Variants in CLIC6 observed in about 807,000 individuals in gnomAD.
CLIC6 encodes CLIC family member 6, also known as chloride intracellular channel protein 6.
Under a neutral mutation model 49.2 loss-of-function variants are expected in CLIC6, and 39 were observed. That is an observed-to-expected ratio of 0.79 (90% CI 0.61 to 1.04). The LOEUF is 1.04. Ranked by LOEUF, CLIC6 falls within the 50% of genes least tolerant of loss-of-function variation. The pLI, the probability that CLIC6 is intolerant of heterozygous loss-of-function variation, is 0.00. For synonymous variants in CLIC6, 446 were observed against 433.4 expected (o/e 1.03, Z -0.36); for missense variants, 988 against 993.1 (o/e 0.99, Z 0.07).
Position 34,669,267 on chromosome 21 carries a change from A to T in CLIC6, c.-122A>T, listed in dbSNP as rs114960903. The T allele has an allele frequency of 3.8e-3, 3,115 of 826,842 alleles. 76 individuals are homozygous for T. The African/African-American group carries it at 0.05, about 13-fold the overall frequency. 51.2% of individuals were successfully genotyped at this position (826,842 alleles called of 1,614,324 possible). ...GCCCCGGCTAAACCTTTGCCGCAGG[A>T]TCCCGGAGCCGGCGTCCTTCAAGGA... On this transcript the variant is annotated 5_prime_UTR_variant, in exon 1 of 6. Coordinates refer to ENST00000349499, the MANE Select transcript of CLIC6 (RefSeq NM_053277.3).
rs143782194 is a variant in CLIC6, at chr21:34,708,726, C to T, written c.1637C>T (p.Pro546Leu). The change falls in exon 4 of 6, where the codon CCC (proline) becomes CTC (leucine). Residue 546 changes from proline to leucine, a missense_variant. Transcript: ENST00000349499. ...PRYPKLGTQH[P>L]ESNSAGNDVF... ...TATCCCAAGCTGGGGACCCAACATCCCGAATCTAATTCCGCAGGAAATGAC... is the reference window on the plus strand; with the variant it reads ...TATCCCAAGCTGGGGACCCAACATCTCGAATCTAATTCCGCAGGAAATGAC... 7.4e-4 allele frequency: 1,188 copies of T among 1,614,070 alleles called. 1 individual carries two copies. Among genetic ancestry groups the T allele is most frequent in the Non-Finnish European group, 9.5e-4 (1,118 of 1,179,960 alleles).
intron 2 of CLIC6, 51 bp from the exon 3 acceptor site, chr21:34,707,893 A>T: frequency 1.9e-6 from 3 of 1,605,400 alleles, no homozygotes; most frequent in Non-Finnish European, 2.6e-6. Flanking sequence ...CCTGGAAATG[A>T]GTCCAGATTC....
rs376418947 is a variant in CLIC6 at position 34,704,479 on chromosome 21, A to C, written c.1375-2801A>C. On this transcript the variant is annotated intron_variant, in intron 1 of 5. Coordinates refer to ENST00000349499, the MANE Select transcript of CLIC6 (RefSeq NM_053277.3). Reference sequence around the variant, plus strand: ...TTATTGGCAGTCACTGCTGCTGGCTAATTCTAAATGCCTAACAGCCTTTGG... The same window carrying C: ...TTATTGGCAGTCACTGCTGCTGGCTCATTCTAAATGCCTAACAGCCTTTGG... Among the ~76,000 whole-genome samples, 8 of 152,332 alleles carry C rather than the reference A, an allele frequency of 5.3e-5. No homozygotes were observed. In the East Asian group the frequency reaches 1.2e-3, roughly 22 times the overall value.
Position 34,698,477 on chromosome 21 carries a change from AAGAC to A in CLIC6, c.1375-8799_1375-8796del, listed in dbSNP as rs537654545. 7.9e-5 allele frequency among the ~76,000 whole-genome samples: 12 copies of A among 151,614 alleles called. No individual in the cohort carries two copies. In the South Asian group the frequency reaches 1.3e-3, roughly 16 times the overall value. ...GGATGGAAGGAAGAAAGGAAAGAGA[AAGAC>A]AGAAGGGAGGAAGGAAGGAAAGAGG... On this transcript the variant is annotated intron_variant, in intron 1 of 5. Transcript: ENST00000349499.
chr21:34,692,417 G>A (rs1002976338), intron 1 of CLIC6, among the ~76,000 whole-genome samples: 1 of 152,170 alleles, frequency 6.6e-6, no homozygotes, highest in Non-Finnish European at 1.5e-5. Context: ...TTGTAGATAG[G>A]TGGATTCTCC....
At chr21:34,702,525 G>T (rs1381235677) in intron 1 of CLIC6, among the ~76,000 whole-genome samples, 1 of 152,120 alleles carries the variant, frequency 6.6e-6, no homozygotes. Context: ...CATCAACCCC[G>T]TACGTCAACC....
At chr21:34,701,335 T>A (rs1050464074) in intron 1 of CLIC6, among the ~76,000 whole-genome samples, 112 of 106,172 alleles carry the variant, frequency 1.1e-3, no homozygotes, top group African/African-American at 1.9e-3. Context: ...AAAAAAAAAA[T>A]CAGTGGTTCT....
At chr21:34,673,442 A>C (rs1198607016) in intron 1 of CLIC6, among the ~76,000 whole-genome samples, 4 of 151,766 alleles carry the variant, frequency 2.6e-5, no homozygotes, top group Non-Finnish European at 4.4e-5. Context: ...GGCATGCGCC[A>C]CCACGTCTGG....
In CLIC6 at chr21:34,707,968, G is replaced by A. The variant is rs370864479; in HGVS notation, c.1509G>A (p.Leu503=). The A allele has an allele frequency of 1.2e-6, 2 of 1,613,996 alleles. No homozygotes were observed. The highest frequency in any genetic ancestry group is 2.7e-5 in the African/African-American group (2 of 74,894). The change falls in exon 3 of 6, where the codon CTG becomes CTA. Residue 503 remains leucine (L), a synonymous_variant. Transcript: ENST00000349499. ...LKRKPADLQN[L]APGTNPPFMT... ...GGAAACCCGCAGACCTGCAGAACCTGGCTCCCGGAACAAACCCTCCTTTCA... is the reference window on the plus strand; with the variant it reads ...GGAAACCCGCAGACCTGCAGAACCTAGCTCCCGGAACAAACCCTCCTTTCA...
chr21:34,713,473 T>G (rs933379989), intron 5 of CLIC6, among the ~76,000 whole-genome samples: 2 of 152,186 alleles, frequency 1.3e-5, no homozygotes, highest in African/African-American at 4.8e-5. Flanking sequence ...ATTGCTGAAA[T>G]TGATTTCCTC....
At chr21:34,685,177 T>C (rs1254809906) in intron 1 of CLIC6, among the ~76,000 whole-genome samples, 1 of 152,176 alleles carries the variant, frequency 6.6e-6, no homozygotes, top group Admixed American at 6.5e-5. Flanking sequence ...AAGAAGCTGA[T>C]ATGCACTCCA....
intron 1 of CLIC6, among the ~76,000 whole-genome samples, chr21:34,698,940 C>G (rs752385082): frequency 2.6e-5 from 4 of 152,108 alleles, no homozygotes; most frequent in Non-Finnish European, 4.4e-5. Flanking sequence ...GGGCAAGAGA[C>G]TGATGATCAG....
chr21:34,712,157 G>A (rs998866432), intron 5 of CLIC6, among the ~76,000 whole-genome samples: 2 of 152,200 alleles, frequency 1.3e-5, no homozygotes, highest in South Asian at 4.1e-4. Context: ...AAATCTGCAA[G>A]GCCATTTAGC....
Position 34,708,765 on chromosome 21 carries a change from T to C in CLIC6, c.1676T>C (p.Phe559Ser). Residue 559 changes from phenylalanine (F) to serine (S), a missense_variant, in exon 4 of 6, where the codon TTC becomes TCC. Physicochemically the swap from Phe to Ser is radical, Grantham distance 155 (BLOSUM62 -2). Around this residue, in one of 3 missense-constraint regions of CLIC6, gnomAD observed 647 missense variants for 596.9 expected, o/e 1.08. Transcript: ENST00000349499. ...GCAGGAAATGACGTGTTTGCCAAATTCTCAGCGTTTATAAAAAACACGAAG... is the reference window on the plus strand; with the variant it reads ...GCAGGAAATGACGTGTTTGCCAAATCCTCAGCGTTTATAAAAAACACGAAG... ...NSAGNDVFAK[F>S]SAFIKNTKKD... 2 of 1,614,134 alleles carry C rather than the reference T, an allele frequency of 1.2e-6. No individual in the cohort carries two copies. Among genetic ancestry groups the C allele is most frequent in the Non-Finnish European group, 1.7e-6 (2 of 1,179,990 alleles).
intron 1 of CLIC6, among the ~76,000 whole-genome samples, chr21:34,701,363 T>G (rs944812367): frequency 6.6e-6 from 1 of 150,500 alleles, no homozygotes; most frequent in African/African-American, 2.5e-5. Context: ...CTGCACAATT[T>G]GGCATAAAAA....
intron 5 of CLIC6, 64 bp downstream of exon 5, chr21:34,709,602 T>C: frequency 6.9e-7 from 1 of 1,451,012 alleles, no homozygotes; most frequent in Non-Finnish European, 9.5e-7. Context: ...ATTTTGTTTT[T>C]ACTTGTGTTT....
intron 5 of CLIC6, among the ~76,000 whole-genome samples, chr21:34,710,335 A>T (rs2056048028): frequency 6.6e-6 from 1 of 152,180 alleles, no homozygotes; most frequent in Non-Finnish European, 1.5e-5. Flanking sequence ...GACCCTCAAC[A>T]TCCAGGAAGC....
chr21:34,716,162 TG>T (rs1334685655), intron 5 of CLIC6, among the ~76,000 whole-genome samples, 158 bp from the exon 6 acceptor site: 3 of 152,194 alleles, frequency 2.0e-5, no homozygotes, highest in Admixed American at 6.5e-5. Context: ...GATGGCCCTA[TG>T]CAAGTCAAGA....
intron 1 of CLIC6, among the ~76,000 whole-genome samples, chr21:34,699,797 G>T (rs1990155101): frequency 6.6e-6 from 1 of 152,180 alleles, no homozygotes; most frequent in Admixed American, 6.5e-5. Context: ...AGAGAAAAAA[G>T]AATAGCTCTC....
Sources: gnomAD v4.1 joint callset for allele counts (sites outside exome capture counted in the v4.1 genomes callset) on GRCh38, gnomAD v4.1.1 for gene constraint, gnomAD v4.1.1 regional missense constraint, MANE v1.5 for transcripts, NCBI Gene and HGNC (gene_info 2026-07-23, HGNC 2026-07-21) for gene names.